SNAI3: variants seen among roughly 807,000 people sequenced by gnomAD.
SNAI3 encodes the protein snail family transcriptional repressor 3, also known as zinc finger protein SNAI3.
A neutral mutation model predicts 16.4 loss-of-function variants in SNAI3; 21 were observed. That is an observed-to-expected ratio of 1.28 (90% CI 0.91 to 1.85). SNAI3 has a LOEUF of 1.85. Among genes scored for constraint, SNAI3 ranks in the 40% most tolerant of loss-of-function variants. The probability of loss-of-function intolerance (pLI) is 0.00; values close to 1 mark genes in which losing one functional copy is unlikely to be tolerated. For missense variants in SNAI3, 457 were observed against 372.8 expected (o/e 1.23, Z -1.86); for synonymous variants, 202 against 166.6 (o/e 1.21, Z -1.64).
Position 88,686,351 on chromosome 16 carries a change from C to A in SNAI3, c.56G>T (p.Arg19Leu), listed in dbSNP as rs960482802. 6.2e-7 allele frequency: 1 copy of A among 1,612,178 alleles called. No homozygotes were observed. Residue 19 changes from arginine (R) to leucine (L), a missense_variant, in exon 1 of 3, where the codon CGG becomes CTG. By Grantham distance (102) the Arg-to-Leu change is moderately radical. Transcript: ENST00000332281. ...AGTACCTCTCTGCGTCTCCAGCCGC[C>A]GGTAGTTGGGGACCCTGTGGCTGGA... ...THSSHRVPNY[R>L]RLETQREING... is the part of the protein sequence containing the mutation.
intron 2 of SNAI3, 101 bp from the exon 3 acceptor site, chr16:88,678,730 A>G: frequency 2.0e-6 from 3 of 1,466,694 alleles, no homozygotes; most frequent in East Asian, 2.5e-5. Context: ...CTTCCCCACA[A>G]ATGCTCACAG....
At chr16:88,682,762 A>ATTTTTTTTT (rs71158747) in intron 1 of SNAI3, among the ~76,000 whole-genome samples, 7,929 of 60,538 alleles carry the variant, frequency 0.13, 1,810 homozygotes, top group Middle Eastern at 0.29. Context: ...TGGGCAAGGG[A>ATTTTTTTTT]TTTTTTTTTT....
At chr16:88,683,203 C>G (rs1357874629) in intron 1 of SNAI3, among the ~76,000 whole-genome samples, 8 of 151,276 alleles carry the variant, frequency 5.3e-5, no homozygotes, top group Non-Finnish European at 1.0e-4. Flanking sequence ...AATGATTTTC[C>G]TGCCTCAGAC....
At position 88,678,126 on chromosome 16, in the gene SNAI3, C is replaced by T. The variant is rs933290136; in HGVS notation, c.*322G>A. ...CGGCCCATGCTGGCGGCCACCTCCC[C>T]GAGGCTCTGACTCTTGGAAGGGTAG... On this transcript the variant is annotated 3_prime_UTR_variant, in exon 3 of 3. Coordinates refer to ENST00000332281, the MANE Select transcript of SNAI3 (RefSeq NM_178310.4). 12 of 284,854 alleles carry T rather than the reference C, an allele frequency of 4.2e-5. No homozygotes were observed. Among genetic ancestry groups the T allele is most frequent in the East Asian group, 1.4e-4 (2 of 14,336 alleles). The allele number at this position is 284,854 out of a possible 1,614,324, so 17.6% of individuals were successfully genotyped here. A position where few individuals can be genotyped will look rare whatever the true frequency, so the allele number is the denominator to read the frequency against.
At position 88,681,410 on chromosome 16, in the gene SNAI3, G is replaced by A; in HGVS notation, c.381C>T (p.Thr127=). ...GAGCCCCGTGCCGGTCTGGGCCCAAGGTCGGGGACCACCGTGTGGGCAGCA... is the reference window on the plus strand; with the variant it reads ...GAGCCCCGTGCCGGTCTGGGCCCAAAGTCGGGGACCACCGTGTGGGCAGCA... ...LLVLPTRWSP[T]LGPDRHGAPE... Residue 127 remains threonine, a synonymous_variant, in exon 2 of 3, where the codon ACC becomes ACT. Transcript: ENST00000332281. This position sits in a 1 kb window ranked among gnomAD's most constrained non-coding sequence, Gnocchi z 5.4. 6.2e-7 allele frequency: 1 copy of A among 1,610,986 alleles called. No individual in the cohort carries two copies. Among genetic ancestry groups the A allele is most frequent in the Non-Finnish European group, 8.5e-7 (1 of 1,177,994 alleles).
In SNAI3 at chr16:88,681,341, G is replaced by A. The variant is rs759796565; in HGVS notation, c.450C>T (p.Gly150=). The change falls in exon 2 of 3, where the codon GGC becomes GGT. Residue 150 remains glycine, a synonymous_variant. Transcript: ENST00000332281. This position sits in a 1 kb window ranked among gnomAD's most constrained non-coding sequence, Gnocchi z 5.4. ...LGAERMPRAP[G]GFECFHCHKP... is the part of the protein sequence containing the mutation. ...TGTGGCAGTGGAAGCACTCAAAGCC[G>A]CCCGGGGCTCGGGGCATCCGCTCAG... is the stretch of plus-strand genomic sequence containing the variant. The A allele has an allele frequency of 8.7e-6, 14 of 1,612,848 alleles. 1 individual carries two copies. The highest frequency in any genetic ancestry group is 1.3e-5 in the African/African-American group (1 of 75,040).
At chr16:88,684,743 G>A (rs1909298019) in intron 1 of SNAI3, among the ~76,000 whole-genome samples, 2 of 152,130 alleles carry the variant, frequency 1.3e-5, no homozygotes, top group African/African-American at 2.4e-5. Context: ...TGCCGTCCTC[G>A]ACCTCCCAAA....
At chr16:88,682,441 G>A (rs1230010279) in intron 1 of SNAI3, among the ~76,000 whole-genome samples, 3 of 152,238 alleles carry the variant, frequency 2.0e-5, no homozygotes, top group Non-Finnish European at 4.4e-5. Context: ...CACCACATGG[G>A]TGATCCATGT....
chr16:88,679,729 T>C (rs1253874085), intron 2 of SNAI3, among the ~76,000 whole-genome samples: 4 of 117,964 alleles, frequency 3.4e-5, no homozygotes, highest in Non-Finnish European at 6.5e-5. Flanking sequence ...GCCACTATGG[T>C]CCGGCCTGGG....
chr16:88,684,514 G>A (rs550544465), intron 1 of SNAI3, among the ~76,000 whole-genome samples: 5 of 152,128 alleles, frequency 3.3e-5, no homozygotes, highest in Admixed American at 2.6e-4. Context: ...GTTTTGTTTT[G>A]AGACAGAGTC....
rs769255966 is a variant in SNAI3, at chr16:88,681,130, G to A, written c.661C>T (p.Pro221Ser). ...CKICGKAFSR[P>S]WLLQGHVRTH... ...CGGACATGGCCCTGCAGTAACCAGGGCCTGGAGAAGGCCTTGCCACAGATC... is the reference window on the plus strand; with the variant it reads ...CGGACATGGCCCTGCAGTAACCAGGACCTGGAGAAGGCCTTGCCACAGATC... Residue 221 changes from proline (P) to serine (S), a missense_variant, in exon 2 of 3, where the codon CCC becomes TCC. Physicochemically the swap from Pro to Ser is moderately conservative, Grantham distance 74 (BLOSUM62 -1). Coordinates refer to ENST00000332281, the MANE Select transcript of SNAI3 (RefSeq NM_178310.4). This position sits in a 1 kb window ranked among gnomAD's most constrained non-coding sequence, Gnocchi z 5.4. 6.2e-7 allele frequency: 1 copy of A among 1,613,594 alleles called. No homozygotes were observed. The highest frequency in any genetic ancestry group is 8.5e-7 in the Non-Finnish European group (1 of 1,179,992).
In SNAI3 at chr16:88,681,635, G is replaced by C; in HGVS notation, c.156C>G (p.Pro52=). The change falls in exon 2 of 3, where the codon CCC becomes CCG. Residue 52 remains proline, a synonymous_variant. Transcript: ENST00000332281. The surrounding 1 kb of genome is among the most constrained non-coding windows in gnomAD (Gnocchi z 5.4). ...GGTCCCAGGGCTGGGGAAGGTCACC[G>C]GGCACAGAAGGGGCCTCCTTGTCTC... The part of the protein sequence containing the change: ...LPRDKEAPSV[P]GDLPQPWDRS... The C allele has an allele frequency of 6.8e-7, 1 of 1,475,884 alleles. No homozygotes were observed. Among genetic ancestry groups the C allele is most frequent in the Non-Finnish European group, 9.0e-7 (1 of 1,110,014 alleles). 91.4% of individuals were successfully genotyped at this position (1,475,884 alleles called of 1,614,324 possible). A position where few individuals can be genotyped will look rare whatever the true frequency, so the allele number is the denominator to read the frequency against.
In SNAI3 at chr16:88,678,643, G is replaced by T; in HGVS notation, c.698-14C>A. 1 of 1,443,746 alleles carries T rather than the reference G, an allele frequency of 6.9e-7. No homozygotes were observed. Among genetic ancestry groups the T allele is most frequent in the Non-Finnish European group, 9.7e-7 (1 of 1,035,080 alleles). The allele number at this position is 1,443,746 out of a possible 1,614,324, so 89.4% of individuals were successfully genotyped here. On this transcript the variant is annotated splice_polypyrimidine_tract_variant and intron_variant, in intron 2 of 2. Coordinates refer to ENST00000332281, the MANE Select transcript of SNAI3 (RefSeq NM_178310.4). ...AGGGCTTCTCCCCTGTGGGAGGAAG[G>T]CGGCGGCCAGTGACACCATGGAAGA...
intron 1 of SNAI3, chr16:88,686,056 A>T (rs1909347688): frequency 4.6e-6 from 2 of 438,390 alleles, no homozygotes; most frequent in Non-Finnish European, 8.3e-6. Context: ...GGTGAGTTCC[A>T]GGGAGACTTG....
intron 2 of SNAI3, among the ~76,000 whole-genome samples, chr16:88,680,601 T>A (rs1909133302): frequency 6.6e-6 from 1 of 151,646 alleles, no homozygotes; most frequent in African/African-American, 2.4e-5. Context: ...TTTGTTTTGT[T>A]TTGTTTTTTT....
intron 1 of SNAI3, chr16:88,685,405 G>T (rs754402338): frequency 1.3e-5 from 2 of 152,226 alleles, no homozygotes; most frequent in Non-Finnish European, 2.9e-5. Context: ...GCCTCTTGGC[G>T]GTGTTGCTGG....
In SNAI3 at chr16:88,681,477, AG is replaced by A. The variant is rs1191549019; in HGVS notation, c.313del (p.Leu105SerfsTer5). The A allele has an allele frequency of 3.2e-6, 5 of 1,583,122 alleles. No homozygotes were observed. Among genetic ancestry groups the A allele is most frequent in the Non-Finnish European group, 4.3e-6 (5 of 1,159,198 alleles). On this transcript the variant is annotated frameshift_variant, in exon 2 of 3. Coordinates refer to ENST00000332281, the MANE Select transcript of SNAI3 (RefSeq NM_178310.4). LOFTEE classifies it high-confidence loss of function. The surrounding 1 kb of genome is among the most constrained non-coding windows in gnomAD (Gnocchi z 5.4). ...GTTGAGGTGGTTCAGGCTGTCTTTG[AG>A]GGGTACAATGGCGGCCCGGCTGGCC... ...PRASRAAIVP[L>X]KDSLNHLNLP...
At chr16:88,686,288 G>C in intron 1 of SNAI3, 43 bp downstream of exon 1, 1 of 1,601,870 alleles carries the variant, frequency 6.2e-7, no homozygotes, top group South Asian at 1.1e-5. Context: ...CCGCCCCTCA[G>C]GGTCGAGTCC....
At chr16:88,682,394 G>A (rs1909205344) in intron 1 of SNAI3, among the ~76,000 whole-genome samples, 3 of 152,246 alleles carry the variant, frequency 2.0e-5, no homozygotes, top group African/African-American at 7.2e-5. Context: ...TCCTCCCCAG[G>A]ACGGTGTTTC....
Sources: allele counts gnomAD v4.1 joint callset (sites outside exome capture counted in the v4.1 genomes callset), GRCh38; gene constraint gnomAD v4.1.1; non-coding constraint Gnocchi (gnomAD v3.1); transcripts MANE v1.5; gene names NCBI Gene and HGNC (gene_info 2026-07-23, HGNC 2026-07-21).